The following DNAH5 variants were observed in gnomAD, a reference collection of about 807,000 sequenced individuals.
The protein encoded by DNAH5 is dynein axonemal heavy chain 5.
DNAH5 carries 372 observed loss-of-function variants against 518.2 expected under a neutral mutation model. That is an observed-to-expected ratio of 0.72 (90% CI 0.66 to 0.78). The LOEUF (loss-of-function observed/expected upper bound fraction) is 0.78. DNAH5 is among the 30% of genes least tolerant of loss of function. DNAH5 has a pLI of 0.00. For missense variants in DNAH5, 5,523 were observed against 5,687.0 expected (o/e 0.97, Z 0.93); for synonymous variants, 2,039 against 2,025.9 (o/e 1.01, Z -0.17).
At chr5:13,836,695 C>A (rs1764440058) in intron 35 of DNAH5, among the ~76,000 whole-genome samples, 1 of 152,212 alleles carries the variant, frequency 6.6e-6, no homozygotes, top group Admixed American at 6.5e-5. Flanking sequence ...CTAATCTCTG[C>A]AACCTGCAAT....
intron 30 of DNAH5, among the ~76,000 whole-genome samples, chr5:13,858,307 C>T (rs1486304203): frequency 3.3e-5 from 5 of 152,134 alleles, no homozygotes; most frequent in Admixed American, 1.3e-4. Context: ...TCTCAGAAAA[C>T]TAGCACAGGA....
rs1268555395 is a variant in DNAH5, at chr5:13,864,469, A to C, written c.4524T>G (p.Asp1508Glu). Residue 1508 changes from aspartate to glutamate, a missense_variant, in exon 28 of 79, where the codon GAT (aspartate) becomes GAG (glutamate). Physicochemically the swap from Asp to Glu is conservative, Grantham distance 45. Coordinates refer to ENST00000265104, the MANE Select transcript of DNAH5 (RefSeq NM_001369.3). Reference protein sequence around the residue: ...RITTLTGHSLDVGNESFKLRN... With the variant: ...RITTLTGHSLEVGNESFKLRN... Reference sequence around the variant, plus strand: ...TTAACTTAAAGCTTTCATTCCCCACATCCAGACTGTGCCCGGTGAGGGTGG... The same window carrying C: ...TTAACTTAAAGCTTTCATTCCCCACCTCCAGACTGTGCCCGGTGAGGGTGG... 1.9e-6 allele frequency: 3 copies of C among 1,614,062 alleles called. No homozygotes were observed. The highest frequency in any genetic ancestry group is 3.3e-5 in the Admixed American group (2 of 59,998).
At chr5:13,732,460 A>G (rs1746734507) in intron 68 of DNAH5, among the ~76,000 whole-genome samples, 1 of 152,038 alleles carries the variant, frequency 6.6e-6, no homozygotes, top group African/African-American at 2.4e-5. Context: ...TCCGCCTCCC[A>G]GGTTCAAATG....
intron 17 of DNAH5, among the ~76,000 whole-genome samples, chr5:13,888,244 T>A (rs1180697537): frequency 1.3e-5 from 2 of 152,168 alleles, no homozygotes; most frequent in African/African-American, 4.8e-5. Context: ...AAACCAAGCC[T>A]ACCCCTTTCT....
Position 14,001,715 on chromosome 5 carries a change from G to T in DNAH5, c.12+9933C>A, listed in dbSNP as rs184051548. 7.9e-5 allele frequency among the ~76,000 whole-genome samples: 12 copies of T among 151,032 alleles called. No homozygotes were observed. In the East Asian group the frequency reaches 2.3e-3, roughly 30 times the overall value. The stretch of plus-strand genomic sequence containing the variant: ...TTAAGGATACTTTATAACTGAAAGG[G>T]ATGACTTTAGTTTGGTAAAATTTGA... On this transcript the variant is annotated intron_variant, in intron 1 of 78. Coordinates refer to the DNAH5 transcript ENST00000681290.
At position 13,841,644 on chromosome 5, in the gene DNAH5, T is replaced by C. The variant is rs370992997; in HGVS notation, c.5484+48A>G. 10 of 1,461,390 alleles carry C rather than the reference T, an allele frequency of 6.8e-6. No individual in the cohort carries two copies. In the African/African-American group the frequency reaches 9.8e-5, roughly 14 times the overall value. The allele number at this position is 1,461,390 out of a possible 1,614,324, so 90.5% of individuals were successfully genotyped here. ...CTTACAATAGGTAATGTCTGAGACT[T>C]AAAATGACTATTTTACAAAACATAC... is the stretch of plus-strand genomic sequence containing the variant. On this transcript the variant is annotated intron_variant, in intron 33 of 78. Transcript: ENST00000265104.
intron 71 of DNAH5, 47 bp downstream of exon 71, chr5:13,720,953 C>T (rs1744967905): frequency 6.2e-7 from 1 of 1,613,168 alleles, no homozygotes; most frequent in Non-Finnish European, 8.5e-7. Context: ...TATTCTATAA[C>T]CTGTAATATG....
At chr5:13,702,721 T>C (rs764654448) in intron 76 of DNAH5, among the ~76,000 whole-genome samples, 9 of 152,196 alleles carry the variant, frequency 5.9e-5, no homozygotes, top group Non-Finnish European at 1.3e-4. Flanking sequence ...CTCTCAGCTA[T>C]GTGATGAGAG....
intron 1 of DNAH5, among the ~76,000 whole-genome samples, chr5:13,951,081 C>T (rs1260624968): frequency 6.6e-6 from 1 of 151,912 alleles, no homozygotes; most frequent in Non-Finnish European, 1.5e-5. Context: ...CATTTTGCTA[C>T]CTTTTAATTG....
At chr5:13,697,775 C>A (rs143245623) in intron 78 of DNAH5, among the ~76,000 whole-genome samples, 1 of 152,194 alleles carries the variant, frequency 6.6e-6, no homozygotes, top group Non-Finnish European at 1.5e-5. Flanking sequence ...ACATCCATTA[C>A]CACCTCATGA....
intron 1 of DNAH5, among the ~76,000 whole-genome samples, chr5:13,990,335 G>A (rs1490828480): frequency 6.7e-6 from 1 of 149,526 alleles, no homozygotes; most frequent in African/African-American, 2.5e-5. Context: ...GGTGGTTCAC[G>A]AGGTCAGGAG....
intron 1 of DNAH5, 33 bp from the exon 2 acceptor site, chr5:13,931,277 A>T: frequency 1.2e-6 from 2 of 1,613,612 alleles, no homozygotes; most frequent in Non-Finnish European, 1.7e-6. Context: ...TTACATGGAA[A>T]CTGCTGTTCT....
At chr5:13,853,601 A>G (rs1767195151) in intron 30 of DNAH5, among the ~76,000 whole-genome samples, 1 of 152,078 alleles carries the variant, frequency 6.6e-6, no homozygotes, top group Non-Finnish European at 1.5e-5. Context: ...TTCTAACCCA[A>G]TATAAGGAAG....
chr5:13,898,922 T>C (rs1774235945), intron 15 of DNAH5: 1 of 263,040 alleles, frequency 3.8e-6, no homozygotes, highest in African/African-American at 2.2e-5. Flanking sequence ...GGCTTCCTTT[T>C]TTTGTTGTTT....
At chr5:13,907,442 A>C (rs1180888074) in intron 12 of DNAH5, among the ~76,000 whole-genome samples, 1 of 151,980 alleles carries the variant, frequency 6.6e-6, no homozygotes, top group African/African-American at 2.4e-5. Flanking sequence ...GCCACCCCCC[A>C]AAAAAAGAAC....
At chr5:13,803,842 A>G (rs1464813815) in intron 47 of DNAH5, among the ~76,000 whole-genome samples, 1 of 152,182 alleles carries the variant, frequency 6.6e-6, no homozygotes, top group Non-Finnish European at 1.5e-5. Context: ...CTACTGCACA[A>G]GATGTCACTT....
intron 12 of DNAH5, among the ~76,000 whole-genome samples, chr5:13,908,789 C>G (rs1775653830): frequency 1.3e-5 from 2 of 152,186 alleles, no homozygotes; most frequent in Admixed American, 1.3e-4. Flanking sequence ...AGGCTCTGAT[C>G]CCTTTGACAC....
chr5:13,858,571 A>T (rs1360056628), intron 30 of DNAH5, among the ~76,000 whole-genome samples: 1 of 152,000 alleles, frequency 6.6e-6, no homozygotes, highest in Non-Finnish European at 1.5e-5. Flanking sequence ...TATAATTTAA[A>T]AAAAAAATCC....
At chr5:13,738,684 A>G (rs1747945732) in intron 65 of DNAH5, among the ~76,000 whole-genome samples, 1 of 152,154 alleles carries the variant, frequency 6.6e-6, no homozygotes, top group Non-Finnish European at 1.5e-5. Flanking sequence ...AAGGAGAAAT[A>G]CGTGTGACAC....
Sources: allele counts gnomAD v4.1 joint callset (sites outside exome capture counted in the v4.1 genomes callset), GRCh38; gene constraint gnomAD v4.1.1; transcripts MANE v1.5; gene names NCBI Gene and HGNC (gene_info 2026-07-23, HGNC 2026-07-21).